SMC2: variants seen among roughly 807,000 people sequenced by gnomAD.
SMC2 encodes the protein structural maintenance of chromosomes protein 2.
SMC2 carries 41 observed loss-of-function variants against 142.6 expected under a neutral mutation model. The ratio of observed to expected loss-of-function variants is 0.29; its 90% confidence interval spans 0.22 to 0.37. The LOEUF (loss-of-function observed/expected upper bound fraction) is 0.37. Ranked by LOEUF, SMC2 falls within the 10% of genes least tolerant of loss-of-function variation. The pLI, the probability that SMC2 is intolerant of heterozygous loss-of-function variation, is 1.00. For synonymous variants in SMC2, 463 were observed against 457.5 expected (o/e 1.01, Z -0.15); for missense variants, 1,265 against 1,373.7 (o/e 0.92, Z 1.25).
intron 18 of SMC2, 43 bp downstream of exon 18, chr9:104,125,148 A>G (rs1205950834): frequency 8.6e-6 from 12 of 1,398,252 alleles, no homozygotes; most frequent in Non-Finnish European, 1.2e-5. Context: ...TTTAAAGTCA[A>G]CATAGAGCTG....
intron 1 of SMC2, chr9:104,094,977 G>A (rs1441685882): frequency 5.3e-6 from 1 of 190,302 alleles, no homozygotes; most frequent in Non-Finnish European, 1.1e-5. Flanking sequence ...GTGCAGTAGA[G>A]AGTAAGCTAT....
upstream of SMC2, among the ~76,000 whole-genome samples, chr9:104,091,684 T>C (rs1474936900): frequency 6.6e-6 from 1 of 152,230 alleles, no homozygotes; most frequent in Non-Finnish European, 1.5e-5. Context: ...TTTTTTCTTG[T>C]CCTTTGTTCC....
At chr9:104,113,546 A>G in intron 11 of SMC2, 71 bp downstream of exon 11, 2 of 1,248,236 alleles carry the variant, frequency 1.6e-6, no homozygotes, top group Non-Finnish European at 2.2e-6. Context: ...TAATTTAAAT[A>G]AAGAACGCAA....
chr9:104,115,878 C>T (rs58799543), intron 13 of SMC2, among the ~76,000 whole-genome samples: 8,628 of 152,126 alleles, frequency 0.057, 651 homozygotes, highest in African/African-American at 0.18. Context: ...CTCCTCATCC[C>T]TGATAACCAC....
the SMC2 span, among the ~76,000 whole-genome samples, chr9:104,088,268 T>C: frequency 1.3e-5 from 2 of 152,140 alleles, no homozygotes; most frequent in African/African-American, 4.8e-5. Flanking sequence ...TTTTTTCTTT[T>C]TTAAACTATT....
chr9:104,094,502 C>G (rs1830220254), intron 1 of SMC2, 25 bp downstream of exon 1: 1 of 175,324 alleles, frequency 5.7e-6, no homozygotes, highest in Admixed American at 7.4e-5. Flanking sequence ...TGAGCACGGC[C>G]GGTTGGGCCG....
rs763560512 is a variant in SMC2 at position 104,123,081 on chromosome 9, T to G, written c.2133-27T>G. 5 of 1,586,516 alleles carry G rather than the reference T, an allele frequency of 3.2e-6. No individual in the cohort carries two copies. In the Admixed American group the frequency reaches 9.3e-5, roughly 30 times the overall value. On this transcript the variant is annotated intron_variant, in intron 16 of 24. Transcript: ENST00000374793. The stretch of plus-strand genomic sequence containing the variant: ...TCAAATACCAGAAAAATGACAGTCA[T>G]TTCTTACATGTTTCTGTTTTTGTAA...
intron 9 of SMC2, among the ~76,000 whole-genome samples, chr9:104,107,705 C>CT (rs1831967308): frequency 6.6e-6 from 1 of 152,232 alleles, no homozygotes; most frequent in Admixed American, 6.5e-5. Flanking sequence ...ACTTCCTTGG[C>CT]TTTCTGTCCA....
At chr9:104,124,436 C>T (rs79874128) in intron 17 of SMC2, among the ~76,000 whole-genome samples, 8,623 of 152,062 alleles carry the variant, frequency 0.057, 655 homozygotes, top group African/African-American at 0.18. Flanking sequence ...TGCTGTATCC[C>T]AGGCATACTG....
chr9:104,109,196 G>T, intron 9 of SMC2, among the ~76,000 whole-genome samples: 1 of 152,106 alleles, frequency 6.6e-6, no homozygotes, highest in Admixed American at 6.6e-5. Flanking sequence ...AACATATCCG[G>T]AATAGAATTT....
At chr9:104,121,986 C>T (rs1833792145) in intron 16 of SMC2, among the ~76,000 whole-genome samples, 1 of 152,122 alleles carries the variant, frequency 6.6e-6, no homozygotes, top group Non-Finnish European at 1.5e-5. Flanking sequence ...AACTCCTGGC[C>T]TCAAGTGTTC....
intron 14 of SMC2, among the ~76,000 whole-genome samples, chr9:104,116,534 C>CT (rs539736189): frequency 0.06 from 8,449 of 140,800 alleles, 625 homozygotes; most frequent in African/African-American, 0.2. Context: ...TTAGAATGTC[C>CT]TTTTTAACCT....
Position 104,123,211 on chromosome 9 carries a change from G to A in SMC2, c.2236G>A (p.Asp746Asn). Residue 746 changes from aspartate (D) to asparagine (N), a missense_variant, in exon 17 of 25, where the codon GAT becomes AAT. Physicochemically the swap from Asp to Asn is conservative, Grantham distance 23. Transcript: ENST00000374793. ...SSYHKQQEEL[D>N]ALKKTIEESE... ...ATATCACAAGCAACAAGAAGAATTA[G>A]ATGCCCTTAAAAAAACCATTGGTAA... 6.2e-7 allele frequency: 1 copy of A among 1,612,226 alleles called. No homozygotes were observed. Among genetic ancestry groups the A allele is most frequent in the Non-Finnish European group, 8.5e-7 (1 of 1,179,078 alleles).
intron 9 of SMC2, among the ~76,000 whole-genome samples, chr9:104,104,398 A>G (rs777938459): frequency 3.3e-5 from 5 of 152,176 alleles, no homozygotes; most frequent in Non-Finnish European, 7.3e-5. Flanking sequence ...AAAGCTGCCT[A>G]GGGTGGTTTG....
At chr9:104,103,835 T>G (rs1376415290) in intron 9 of SMC2, among the ~76,000 whole-genome samples, 1 of 152,198 alleles carries the variant, frequency 6.6e-6, no homozygotes, top group Non-Finnish European at 1.5e-5. Flanking sequence ...GGAGGAAAAT[T>G]TAGACAAAAT....
At chr9:104,131,650 CTTT>C (rs34656812) in intron 21 of SMC2, among the ~76,000 whole-genome samples, 10 of 132,412 alleles carry the variant, frequency 7.6e-5, no homozygotes, top group Non-Finnish European at 8.0e-5. Flanking sequence ...ATATGTAACA[CTTT>C]TTTTTTTTTT....
chr9:104,107,628 G>A (rs532995432), intron 9 of SMC2, among the ~76,000 whole-genome samples: 4 of 152,218 alleles, frequency 2.6e-5, no homozygotes, highest in Admixed American at 6.5e-5. Flanking sequence ...CCTACCAGCT[G>A]TGGGGCTTCT....
chr9:104,120,022 A>G lies in SMC2; in HGVS notation c.1997-5A>G, dbSNP rs765543121. The G allele has an allele frequency of 1.9e-6, 3 of 1,613,794 alleles. No individual in the cohort carries two copies. Among genetic ancestry groups the G allele is most frequent in the East Asian group, 2.2e-5 (1 of 44,852 alleles). ...GGAAGACCTGTTTCAATTTGCCTCT[A>G]TCAGGTGCTCGATCCCAGGCAGCTT... On this transcript the variant is annotated splice_polypyrimidine_tract_variant and splice_region_variant and intron_variant, in intron 15 of 24. Coordinates refer to ENST00000374793, the MANE Select transcript of SMC2 (RefSeq NM_006444.3).
rs533345892 is a variant in SMC2 at position 104,126,849 on chromosome 9, A to AGATGTTTGACTTTAGTGTTCTCAGTCTT, written c.2595+66_2595+93dup. ...AATCTTTTTATGAAACATTAGCTTA[A>AGATGTTTGACTTTAGTGTTCTCAGTCTT]GATGTTTGACTTTAGTGTTCTCAGT... On this transcript the variant is annotated intron_variant, in intron 19 of 24. Transcript: ENST00000374793. 115 of 1,443,058 alleles carry AGATGTTTGACTTTAGTGTTCTCAGTCTT rather than the reference A, an allele frequency of 8.0e-5. No homozygotes were observed. The African/African-American group carries it at 1.5e-3, about 19-fold the overall frequency. The allele number at this position is 1,443,058 out of a possible 1,614,324, so 89.4% of individuals were successfully genotyped here. A position where few individuals can be genotyped will look rare whatever the true frequency, so the allele number is the denominator to read the frequency against.
Sources: gnomAD v4.1 joint callset for allele counts (sites outside exome capture counted in the v4.1 genomes callset) on GRCh38, gnomAD v4.1.1 for gene constraint, MANE v1.5 for transcripts, NCBI Gene and HGNC (gene_info 2026-07-23, HGNC 2026-07-21) for gene names.